The following MME variants were observed in gnomAD, a reference collection of about 807,000 sequenced individuals.
MME encodes the protein membrane metalloendopeptidase.
Under a neutral mutation model 113.2 loss-of-function variants are expected in MME, and 98 were observed. The ratio of observed to expected loss-of-function variants is 0.87; its 90% CI spans 0.74 to 1.02. The LOEUF (loss-of-function observed/expected upper bound fraction) is 1.02. Ranked by LOEUF, MME falls within the 50% of genes least tolerant of loss-of-function variation. The pLI is 0.00. For synonymous variants in MME, 292 were observed against 300.6 expected (o/e 0.97, Z 0.30); for missense variants, 836 against 896.0 (o/e 0.93, Z 0.86).
At chr3:155,043,916 C>A (rs1173242153) in intron 1 of MME, among the ~76,000 whole-genome samples, 2 of 152,004 alleles carry the variant, frequency 1.3e-5, no homozygotes, top group African/African-American at 4.8e-5. Context: ...AAAGCTTTTG[C>A]TATTTTAATG....
chr3:155,062,088 C>T (rs1292558298), intron 1 of MME, among the ~76,000 whole-genome samples: 2 of 152,176 alleles, frequency 1.3e-5, no homozygotes, highest in African/African-American at 4.8e-5. Flanking sequence ...GTGCTTATCA[C>T]CCTAGCTAGG....
chr3:155,043,045 GT>G, intron 1 of MME, among the ~76,000 whole-genome samples: 1 of 141,188 alleles, frequency 7.1e-6, no homozygotes, highest in Non-Finnish European at 1.5e-5. Context: ...TTTTAATTTT[GT>G]TTTTTACAAA....
At chr3:155,096,387 A>C (rs991628007) in intron 3 of MME, among the ~76,000 whole-genome samples, 1 of 152,208 alleles carries the variant, frequency 6.6e-6, no homozygotes, top group African/African-American at 2.4e-5. Context: ...TGAGAAACTG[A>C]AAGAATATCT....
intron 1 of MME, among the ~76,000 whole-genome samples, chr3:155,030,900 C>T (rs1199848985): frequency 6.6e-6 from 1 of 152,156 alleles, no homozygotes; most frequent in African/African-American, 2.4e-5. Context: ...GAAAAAAAAT[C>T]AATAATAAAT....
chr3:155,166,641 A>T (rs953116375), intron 17 of MME, among the ~76,000 whole-genome samples: 6 of 152,122 alleles, frequency 3.9e-5, no homozygotes, highest in Admixed American at 2.0e-4. Flanking sequence ...TCCAAGGTGA[A>T]CTCTGTTGTC....
intron 4 of MME, among the ~76,000 whole-genome samples, chr3:155,116,098 A>G (rs1718574908): frequency 6.6e-6 from 1 of 152,112 alleles, no homozygotes; most frequent in African/African-American, 2.4e-5. Context: ...GACTATTCAT[A>G]CTAAATTCCA....
intron 7 of MME, among the ~76,000 whole-genome samples, chr3:155,117,606 T>G (rs892380693): frequency 1.6e-5 from 1 of 61,238 alleles, no homozygotes; most frequent in Non-Finnish European, 3.9e-5. Flanking sequence ...TTTGTTTTTT[T>G]TTTTTTTTGG....
At chr3:155,082,902 C>G (rs61761164) in intron 1 of MME, among the ~76,000 whole-genome samples, 9,773 of 152,208 alleles carry the variant, frequency 0.064, 431 homozygotes, top group African/African-American at 0.12. Context: ...TGTGTGTGTT[C>G]AACAAAGATC....
chr3:155,078,034 G>A (rs1714820001), upstream of MME, among the ~76,000 whole-genome samples: 2 of 148,198 alleles, frequency 1.3e-5, no homozygotes, highest in East Asian at 3.9e-4. Flanking sequence ...GAGAAACCCC[G>A]AAAGTAAAAG....
chr3:155,159,868 C>T (rs759101704), intron 16 of MME, among the ~76,000 whole-genome samples: 24 of 152,068 alleles, frequency 1.6e-4, no homozygotes, highest in Non-Finnish European at 2.8e-4. Context: ...TTTGAAAACA[C>T]TTTTAAATGG....
chr3:155,152,077 C>A (rs1721976267), intron 16 of MME, among the ~76,000 whole-genome samples: 1 of 152,114 alleles, frequency 6.6e-6, no homozygotes, highest in South Asian at 2.1e-4. Context: ...AGAACCAAGG[C>A]TCTTCATACC....
intron 3 of MME, among the ~76,000 whole-genome samples, chr3:155,098,555 C>CA (rs34979254): frequency 0.15 from 20,883 of 137,510 alleles, 1,489 homozygotes; most frequent in African/African-American, 0.18. Context: ...GATTCTGTCT[C>CA]AAAAAAAAAA....
intron 8 of MME, among the ~76,000 whole-genome samples, chr3:155,133,855 T>C (rs992511699): frequency 6.8e-6 from 1 of 146,454 alleles, no homozygotes; most frequent in Non-Finnish European, 1.5e-5. Context: ...TAGATTGATA[T>C]TGGAAAATTC....
At chr3:155,028,636 G>T (rs1483120192) in intron 1 of MME, among the ~76,000 whole-genome samples, 1 of 152,160 alleles carries the variant, frequency 6.6e-6, no homozygotes, top group Non-Finnish European at 1.5e-5. Context: ...GAAATGAAAG[G>T]TGTAATTATT....
chr3:155,145,819 G>A (rs184405127), intron 14 of MME, among the ~76,000 whole-genome samples: 1 of 152,178 alleles, frequency 6.6e-6, no homozygotes, highest in Admixed American at 6.5e-5. Flanking sequence ...ACTCTTTAAG[G>A]AAATGTCTTA....
intron 1 of MME, among the ~76,000 whole-genome samples, chr3:155,057,826 G>C (rs556474979): frequency 6.6e-6 from 1 of 152,052 alleles, no homozygotes; most frequent in Non-Finnish European, 1.5e-5. Context: ...ATGAATGGAG[G>C]AGGAAATCTT....
At chr3:155,063,668 A>ATATATTATAT (rs59175839) in intron 1 of MME, among the ~76,000 whole-genome samples, 9,492 of 111,260 alleles carry the variant, frequency 0.085, 464 homozygotes, top group Middle Eastern at 0.12. Flanking sequence ...ATAACATATT[A>ATATATTATAT]TATATTATAT....
At chr3:155,128,540 T>A (rs894749398) in intron 8 of MME, among the ~76,000 whole-genome samples, 3 of 152,180 alleles carry the variant, frequency 2.0e-5, no homozygotes, top group African/African-American at 7.2e-5. Flanking sequence ...TGGCCTTCAA[T>A]GATTTTCTCC....
chr3:155,051,917 G>C lies in MME; in HGVS notation c.-11+27593G>C, dbSNP rs115245018. On this transcript the variant is annotated intron_variant, in intron 1 of 22. Coordinates refer to the MME transcript ENST00000492661. ...TCCGCCTATGAGCCAGTAAAATTAA[G>C]AGCAAATTAGTTACTTCCTAGATAC... 5.4e-3 allele frequency among the ~76,000 whole-genome samples: 818 copies of C among 152,220 alleles called. 2 individuals are homozygous for C. Among genetic ancestry groups the C allele is most frequent in the African/African-American group, 0.018 (761 of 41,518 alleles).
Sources: allele counts gnomAD v4.1 joint callset (sites outside exome capture counted in the v4.1 genomes callset), GRCh38; gene constraint gnomAD v4.1.1; transcripts MANE v1.5; gene names NCBI Gene and HGNC (gene_info 2026-07-23, HGNC 2026-07-21).